The following MYOM2 variants were observed in gnomAD, a reference collection of about 807,000 sequenced individuals.
The protein encoded by MYOM2 is myomesin-2.
A neutral mutation model predicts 187.6 loss-of-function variants in MYOM2; 254 were observed. That is an observed-to-expected ratio of 1.35 (90% CI 1.22 to 1.50). MYOM2 has a LOEUF of 1.50. Among genes scored for constraint, MYOM2 ranks in the 40% most tolerant of loss-of-function variants. The probability of loss-of-function intolerance (pLI) is 0.00; values close to 1 mark genes in which losing one functional copy is unlikely to be tolerated. For missense variants in MYOM2, 2,796 were observed against 1,924.0 expected (o/e 1.45, Z -8.48); for synonymous variants, 981 against 753.8 (o/e 1.30, Z -4.94).
rs188140451 is a variant in MYOM2 at position 2,059,998 on chromosome 8, T to A, written c.653+753T>A. Among the ~76,000 whole-genome samples, 11 of 152,324 alleles carry A rather than the reference T, an allele frequency of 7.2e-5. No individual in the cohort carries two copies. In the East Asian group the frequency reaches 1.9e-3, roughly 27 times the overall value. On this transcript the variant is annotated intron_variant, in intron 6 of 36. Coordinates refer to ENST00000262113, the MANE Select transcript of MYOM2 (RefSeq NM_003970.4). The stretch of plus-strand genomic sequence containing the variant: ...CTCATGTGATCCACCTGCCTCGGTC[T>A]CCCAAAGTGCTGGGATTATAGGCAT...
chr8:2,060,726 G>A (rs117254320), intron 6 of MYOM2, among the ~76,000 whole-genome samples: 6,248 of 144,356 alleles, frequency 0.043, 210 homozygotes, highest in Non-Finnish European at 0.063. Flanking sequence ...AGCCTGCTTG[G>A]AAGGAAAGTC....
chr8:2,138,571 G>A (rs1166145325), intron 32 of MYOM2, among the ~76,000 whole-genome samples: 6 of 152,210 alleles, frequency 3.9e-5, no homozygotes, highest in Non-Finnish European at 2.9e-5. Flanking sequence ...TACATTATGT[G>A]CATTCTAACA....
chr8:2,129,039 GA>G, intron 31 of MYOM2, 87 bp from the exon 32 acceptor site: 1 of 885,608 alleles, frequency 1.1e-6, no homozygotes, highest in Non-Finnish European at 1.8e-6. Flanking sequence ...TGCAGGTGGG[GA>G]CAGGAGGGCT....
intron 16 of MYOM2, among the ~76,000 whole-genome samples, chr8:2,092,913 A>G (rs542325992): frequency 2.6e-5 from 4 of 152,166 alleles, no homozygotes; most frequent in African/African-American, 7.2e-5. Context: ...TGGTAGTTCT[A>G]TTCCCCAGCA....
intron 19 of MYOM2, 92 bp from the exon 20 acceptor site, chr8:2,100,784 C>T (rs1796679533): frequency 3.9e-6 from 5 of 1,298,264 alleles, no homozygotes; most frequent in Non-Finnish European, 5.4e-6. Flanking sequence ...GGGGGCTTCC[C>T]AGAGGAGCAG....
intron 13 of MYOM2, among the ~76,000 whole-genome samples, chr8:2,080,224 TAAAA>T (rs1819573670): frequency 6.6e-6 from 1 of 152,154 alleles, no homozygotes. Flanking sequence ...GGTGAAAACA[TAAAA>T]AGAAAGATTT....
intron 12 of MYOM2, 114 bp downstream of exon 12, chr8:2,079,047 TGCAGA>T: frequency 1.0e-6 from 1 of 985,044 alleles, no homozygotes; most frequent in South Asian, 1.4e-5. Context: ...ATGCCCTGTG[TGCAGA>T]GCATAGCACA....
chr8:2,135,638 T>G (rs1275549042), intron 32 of MYOM2, among the ~76,000 whole-genome samples: 1 of 152,222 alleles, frequency 6.6e-6, no homozygotes, highest in East Asian at 1.9e-4. Flanking sequence ...CTTATATTAA[T>G]GTGAACCATT....
chr8:2,049,289 G>A (rs1299358318), intron 1 of MYOM2, among the ~76,000 whole-genome samples: 2 of 152,208 alleles, frequency 1.3e-5, no homozygotes. Context: ...GGCAGGGGTA[G>A]CCTCTTCTAC....
At chr8:2,072,112 G>C (rs1308400526) in intron 8 of MYOM2, among the ~76,000 whole-genome samples, 1 of 152,214 alleles carries the variant, frequency 6.6e-6, no homozygotes, top group Non-Finnish European at 1.5e-5. Flanking sequence ...CGGTCTGAGT[G>C]TGTCTGCTGT....
chr8:2,140,631 A>T, intron 32 of MYOM2, 92 bp from the exon 33 acceptor site: 10 of 1,302,478 alleles, frequency 7.7e-6, no homozygotes, highest in Non-Finnish European at 1.1e-5. Flanking sequence ...AGCTTAGAGA[A>T]GGCTGTCACA....
intron 31 of MYOM2, 67 bp from the exon 32 acceptor site, chr8:2,129,060 G>A (rs1214822764): frequency 9.2e-5 from 113 of 1,223,924 alleles, no homozygotes; most frequent in East Asian, 2.9e-4. Flanking sequence ...TTGCCGCCGC[G>A]ATGCTTTCTG....
intron 31 of MYOM2, among the ~76,000 whole-genome samples, chr8:2,127,544 G>A (rs1056513606): frequency 6.6e-6 from 1 of 152,260 alleles, no homozygotes; most frequent in Non-Finnish European, 1.5e-5. Flanking sequence ...GACTAGCGGG[G>A]TTTAGGGAGG....
intron 6 of MYOM2, among the ~76,000 whole-genome samples, chr8:2,067,614 T>C (rs557193216): frequency 2.4e-3 from 361 of 152,298 alleles, no homozygotes; most frequent in Non-Finnish European, 4.5e-3. Flanking sequence ...CTCCATTTCC[T>C]GGGGAAGCTG....
At chr8:2,047,161 G>C (rs1360469334) in intron 1 of MYOM2, among the ~76,000 whole-genome samples, 1 of 152,142 alleles carries the variant, frequency 6.6e-6, no homozygotes, top group Non-Finnish European at 1.5e-5. Context: ...GGGTGCATTT[G>C]GCAAGTCCTC....
intron 27 of MYOM2, among the ~76,000 whole-genome samples, chr8:2,117,453 G>A (rs181167214): frequency 1.3e-5 from 2 of 152,224 alleles, no homozygotes; most frequent in Admixed American, 6.5e-5. Context: ...AGGTCAAACT[G>A]TTGTTTCTTT....
Position 2,069,498 on chromosome 8 carries a change from G to A in MYOM2, c.793+1G>A. 6.2e-7 allele frequency: 1 copy of A among 1,614,178 alleles called. No homozygotes were observed. The highest frequency in any genetic ancestry group is 8.5e-7 in the Non-Finnish European group (1 of 1,180,014). ...CGTTCGGTGGGACTCCCGATTGGAT[G>A]TAAGTGGGTTTTTGTTTCTTTTCTG... is the stretch of plus-strand genomic sequence containing the variant. On this transcript the variant is annotated splice_donor_variant, in intron 8 of 36. Coordinates refer to ENST00000262113, the MANE Select transcript of MYOM2 (RefSeq NM_003970.4). LOFTEE classifies it high-confidence loss of function.
chr8:2,108,943 C>G (rs1264394933), intron 24 of MYOM2, 113 bp downstream of exon 24: 1 of 1,025,510 alleles, frequency 9.8e-7, no homozygotes, highest in African/African-American at 1.6e-5. Flanking sequence ...GGCCTGATTT[C>G]CTGATCCCAG....
chr8:2,069,472 C>A lies in MYOM2; in HGVS notation c.768C>A (p.Phe256Leu), dbSNP rs770211930. The A allele has an allele frequency of 6.2e-7, 1 of 1,614,182 alleles. No individual in the cohort carries two copies. The highest frequency in any genetic ancestry group is 1.1e-5 in the South Asian group (1 of 91,088). Residue 256 changes from phenylalanine (F) to leucine (L), a missense_variant, in exon 8 of 37, where the codon TTC becomes TTA. Phe to Leu is a conservative substitution (Grantham distance 22, BLOSUM62 0). Transcript: ENST00000262113. The stretch of plus-strand genomic sequence containing the variant: ...GGTTCCGGGGAGACGAGGAACCATT[C>A]CGTTCGGTGGGACTCCCGATTGGAT... ...VRRFRGDEEP[F>L]RSVGLPIGLP...
Sources: allele counts gnomAD v4.1 joint callset (sites outside exome capture counted in the v4.1 genomes callset), GRCh38; gene constraint gnomAD v4.1.1; transcripts MANE v1.5; gene names NCBI Gene and HGNC (gene_info 2026-07-23, HGNC 2026-07-21).